The following ASPM variants were observed in gnomAD, a reference collection of about 807,000 sequenced individuals.
ASPM encodes the protein abnormal spindle-like microcephaly-associated protein.
ASPM carries 256 observed loss-of-function variants against 366.4 expected under a neutral mutation model. The ratio of observed to expected loss-of-function variants is 0.70; its 90% CI spans 0.63 to 0.77. The LOEUF is 0.77. ASPM is among the 30% of genes least tolerant of loss of function. The probability of loss-of-function intolerance (pLI) is 0.00; values close to 1 mark genes in which losing one functional copy is unlikely to be tolerated. For missense variants in ASPM, 4,146 were observed against 4,090.4 expected (o/e 1.01, Z -0.37); for synonymous variants, 1,414 against 1,342.9 (o/e 1.05, Z -1.16).
Position 197,129,444 on chromosome 1 carries a change from A to C in ASPM, c.2630-127T>G. ...GTGTAGGGTAGCAAGCACAAATAAA[A>C]CACTATGTGCCTTTTTTAGTGCTTT... On this transcript the variant is annotated intron_variant, in intron 8 of 27. Transcript: ENST00000367409. 8.9e-6 allele frequency: 9 copies of C among 1,012,796 alleles called. No individual in the cohort carries two copies. In the South Asian group the frequency reaches 1.4e-4, roughly 16 times the overall value. 62.7% of individuals were successfully genotyped at this position (1,012,796 alleles called of 1,614,324 possible).
chr1:197,131,620 G>A (rs1658256599), intron 7 of ASPM, among the ~76,000 whole-genome samples: 1 of 149,226 alleles, frequency 6.7e-6, no homozygotes, highest in African/African-American at 2.5e-5. Context: ...GTGCAGTCGT[G>A]CGATCTCGGC....
intron 17 of ASPM, among the ~76,000 whole-genome samples, chr1:197,109,392 C>T (rs1307094741): frequency 6.6e-6 from 1 of 151,844 alleles, no homozygotes; most frequent in Non-Finnish European, 1.5e-5. Flanking sequence ...GATTAGAAAC[C>T]CAATAAATGT....
At chr1:197,096,189 G>T (rs1362272974) in intron 18 of ASPM, 25 bp from the exon 19 acceptor site, 1 of 1,543,020 alleles carries the variant, frequency 6.5e-7, no homozygotes, top group East Asian at 2.3e-5. Context: ...AATATAACAA[G>T]TATGCAATGA....
intron 16 of ASPM, 95 bp from the exon 17 acceptor site, chr1:197,118,078 T>C: frequency 8.5e-7 from 1 of 1,182,868 alleles, no homozygotes; most frequent in Non-Finnish European, 1.2e-6. Context: ...ACCAATCAAA[T>C]TGATACTGGA....
intron 5 of ASPM, among the ~76,000 whole-genome samples, chr1:197,134,565 T>C (rs1658362397): frequency 6.6e-6 from 1 of 152,242 alleles, no homozygotes; most frequent in Non-Finnish European, 1.5e-5. Flanking sequence ...TTTTTCCTTA[T>C]CTTCAGCTGA....
rs199422151 is a variant in ASPM, at chr1:197,125,190, G to A, written c.2938C>T (p.Arg980Ter). 9 of 1,613,778 alleles carry A rather than the reference G, an allele frequency of 5.6e-6. No individual in the cohort carries two copies. The highest frequency in any genetic ancestry group is 3.3e-5 in the South Asian group (3 of 91,074). The change falls in exon 11 of 28, where the codon CGA becomes TGA. Residue 980 changes from arginine to a stop codon, truncating the protein, a stop_gained and splice_region_variant. Coordinates refer to ENST00000367409, the MANE Select transcript of ASPM (RefSeq NM_018136.5). LOFTEE classifies it high-confidence loss of function. ...TTCTGTGTGAGAAGTTCCATGGTTC[G>A]CCTGGCAGTAATAAAATGTTCAGAT... Reference protein sequence around the residue: ...VDLQCGVRLVRTMELLTQNWD... With the variant: ...VDLQCGVRLV
chr1:197,093,883 C>A (rs1194051394), intron 20 of ASPM, among the ~76,000 whole-genome samples: 2 of 151,788 alleles, frequency 1.3e-5, no homozygotes, highest in South Asian at 2.1e-4. Context: ...TTTTTAAAAA[C>A]TAGCAAATAG....
intron 4 of ASPM, chr1:197,138,819 T>G: frequency 1.3e-6 from 1 of 772,756 alleles, no homozygotes; most frequent in Non-Finnish European, 2.3e-6. Flanking sequence ...GAAGCAGCCT[T>G]CATTTTATAA....
chr1:197,146,157 C>T lies in ASPM; in HGVS notation c.281G>A (p.Arg94His), dbSNP rs763440729. 1.9e-6 allele frequency: 3 copies of T among 1,614,066 alleles called. No homozygotes were observed. Among genetic ancestry groups the T allele is most frequent in the South Asian group, 2.2e-5 (2 of 91,084 alleles). ...GAGACCTACCTGCAACACGAAACAG[C>T]GCTGCGACACACTGAAGCCCAGGTC... is the stretch of plus-strand genomic sequence containing the variant. ...AADLGFSVSQ[R>H]CFVLQPKEKI... The change falls in exon 1 of 28, where the codon CGC becomes CAC. Residue 94 changes from arginine (R) to histidine (H), a missense_variant. Around this residue, in one of 3 missense-constraint regions of ASPM, gnomAD observed 512 missense variants for 471.7 expected, o/e 1.09. Transcript: ENST00000367409.
Position 197,084,192 on chromosome 1 carries a change from T to C in ASPM, c.*132A>G, listed in dbSNP as rs1656508002. 5 of 667,680 alleles carry C rather than the reference T, an allele frequency of 7.5e-6. No individual in the cohort carries two copies. The highest frequency in any genetic ancestry group is 7.0e-5 in the South Asian group (4 of 57,390). 41.4% of individuals were successfully genotyped at this position (667,680 alleles called of 1,614,324 possible). On this transcript the variant is annotated 3_prime_UTR_variant, in exon 28 of 28. Transcript: ENST00000367409. ...TAAATGATAAAAATGAAGAATGTAA[T>C]GAACAGTTTATGTTTTTTTAAAACA...
Position 197,146,170 on chromosome 1 carries a change from T to C in ASPM, c.268A>G (p.Ser90Gly). The change falls in exon 1 of 28, where the codon AGT (serine) becomes GGT (glycine). Residue 90 changes from serine (S) to glycine (G), a missense_variant. Ser to Gly is a moderately conservative substitution (Grantham distance 56). Around this residue, in one of 3 missense-constraint regions of ASPM, gnomAD observed 512 missense variants for 471.7 expected, o/e 1.09. Transcript: ENST00000367409. ...SHFPAADLGF[S>G]VSQRCFVLQP... ...AACACGAAACAGCGCTGCGACACAC[T>C]GAAGCCCAGGTCCGCGGCCGGGAAG... The C allele has an allele frequency of 1.2e-6, 2 of 1,614,102 alleles. No homozygotes were observed. Among genetic ancestry groups the C allele is most frequent in the Non-Finnish European group, 1.7e-6 (2 of 1,180,026 alleles).
chr1:197,100,560 C>A lies in ASPM; in HGVS notation c.8691G>T (p.Leu2897=), dbSNP rs771080907. The A allele has an allele frequency of 8.1e-5, 131 of 1,611,680 alleles. No homozygotes were observed. Among genetic ancestry groups the A allele is most frequent in the Non-Finnish European group, 1.1e-4 (125 of 1,178,738 alleles). ...AGACTTGTCTTTGATGTTTTGCAGA[C>A]AGAAATGCTCTGTAGTGATTTTGTA... ...VVLQNHYRAF[L]SAKHQRQVYL... is the part of the protein sequence containing the mutation. The change falls in exon 18 of 28, where the codon CTG becomes CTT. Residue 2897 remains leucine (L), a synonymous_variant. Coordinates refer to ENST00000367409, the MANE Select transcript of ASPM (RefSeq NM_018136.5).
At chr1:197,133,973 A>G (rs1475008988) in intron 5 of ASPM, among the ~76,000 whole-genome samples, 1 of 152,168 alleles carries the variant, frequency 6.6e-6, no homozygotes, top group Non-Finnish European at 1.5e-5. Flanking sequence ...TTTATAAAAC[A>G]CATTTTCTTT....
chr1:197,098,419 T>C (rs904897075), intron 18 of ASPM, among the ~76,000 whole-genome samples: 4 of 151,710 alleles, frequency 2.6e-5, no homozygotes, highest in African/African-American at 9.6e-5. Context: ...ACCACTGGCA[T>C]AGGCTAAAAA....
chr1:197,124,807 T>C (rs1266875134), intron 12 of ASPM, 63 bp downstream of exon 12: 2 of 1,305,576 alleles, frequency 1.5e-6, no homozygotes, highest in Non-Finnish European at 2.2e-6. Context: ...TAGATTCAAA[T>C]TGTTTTTATA....
At position 197,122,152 on chromosome 1, in the gene ASPM, T is replaced by C. The variant is rs1341586107; in HGVS notation, c.3741+7A>G. 6.2e-7 allele frequency: 1 copy of C among 1,606,038 alleles called. No homozygotes were observed. The highest frequency in any genetic ancestry group is 2.2e-5 in the East Asian group (1 of 44,794). On this transcript the variant is annotated splice_region_variant and intron_variant, in intron 15 of 27. Coordinates refer to ENST00000367409, the MANE Select transcript of ASPM (RefSeq NM_018136.5). ...AATTAATAATTAGAAACTCTTCTTT[T>C]ACTTACCTTTTCATCTGGAATTGTA...
intron 17 of ASPM, among the ~76,000 whole-genome samples, chr1:197,107,843 G>T (rs1243587964): frequency 6.6e-6 from 1 of 152,056 alleles, no homozygotes; most frequent in African/African-American, 2.4e-5. Flanking sequence ...CAGCTTTGTG[G>T]GCCAATTCTG....
chr1:197,093,822 G>A (rs1271931279), intron 20 of ASPM, among the ~76,000 whole-genome samples: 1 of 151,744 alleles, frequency 6.6e-6, no homozygotes, highest in East Asian at 1.9e-4. Flanking sequence ...TATCTGCAAA[G>A]CACCATAAAG....
intron 23 of ASPM, 89 bp from the exon 24 acceptor site, chr1:197,090,477 A>C (rs1420537241): frequency 9.3e-7 from 1 of 1,075,262 alleles, no homozygotes; most frequent in African/African-American, 1.6e-5. Context: ...AAACATTTTC[A>C]GTAAATTTAT....
Sources: gnomAD v4.1 joint callset for allele counts (sites outside exome capture counted in the v4.1 genomes callset) on GRCh38, gnomAD v4.1.1 for gene constraint, gnomAD v4.1.1 regional missense constraint, MANE v1.5 for transcripts, NCBI Gene and HGNC (gene_info 2026-07-23, HGNC 2026-07-21) for gene names.